The following RNLS variants were observed in gnomAD, a reference collection of about 807,000 sequenced individuals.
RNLS encodes renalase.
In RNLS, 39 loss-of-function variants were observed where a neutral mutation model predicts 39.8. The observed-to-expected ratio is 0.98, with a 90% CI of 0.76 to 1.28. The LOEUF is 1.28. Ranked by LOEUF, RNLS falls within the 50% of genes most tolerant of loss-of-function variation. The probability of loss-of-function intolerance (pLI) is 0.00; values close to 1 mark genes in which losing one functional copy is unlikely to be tolerated. For missense variants in RNLS, 410 were observed against 413.3 expected, an observed-to-expected ratio of 0.99 and a Z score of 0.07; for synonymous variants, 147 against 150.7, an observed-to-expected ratio of 0.98 and a Z score of 0.18.
At chr10:88,248,530 C>T in the RNLS span, among the ~76,000 whole-genome samples, 1 of 152,324 alleles carries the variant, frequency 6.6e-6, no homozygotes. Flanking sequence ...CCTGGACACT[C>T]ATTTCCAGTG....
intron 4 of RNLS, among the ~76,000 whole-genome samples, chr10:88,484,690 A>G (rs1203232610): frequency 6.6e-6 from 1 of 151,962 alleles, no homozygotes; most frequent in Admixed American, 6.6e-5. Flanking sequence ...TTTCATGAAT[A>G]ATTTATTTAT....
At chr10:88,354,704 C>G (rs1197385500) in intron 5 of RNLS, among the ~76,000 whole-genome samples, 3 of 152,122 alleles carry the variant, frequency 2.0e-5, no homozygotes, top group African/African-American at 7.2e-5. Flanking sequence ...TGGAGTTGCT[C>G]TTCTCGACAA....
At chr10:88,556,470 A>G (rs1041637524) in intron 4 of RNLS, among the ~76,000 whole-genome samples, 4 of 152,148 alleles carry the variant, frequency 2.6e-5, no homozygotes, top group Non-Finnish European at 5.9e-5. Flanking sequence ...GTAAATTCAT[A>G]ATCCCTAAAT....
the RNLS span, among the ~76,000 whole-genome samples, chr10:88,259,825 C>A: frequency 1.3e-5 from 2 of 152,138 alleles, no homozygotes; most frequent in African/African-American, 2.4e-5. Context: ...CTCACTGCAA[C>A]CTTTACCTCC....
chr10:88,211,326 A>C, the RNLS span, among the ~76,000 whole-genome samples: 1 of 152,170 alleles, frequency 6.6e-6, no homozygotes, highest in East Asian at 1.9e-4. Context: ...ATATCTAACA[A>C]GTGCCAGACA....
intron 5 of RNLS, among the ~76,000 whole-genome samples, chr10:88,357,766 C>G (rs1849301811): frequency 1.3e-5 from 2 of 152,184 alleles, no homozygotes; most frequent in Non-Finnish European, 2.9e-5. Context: ...AGGCCTACCC[C>G]TAAAAACTCC....
At chr10:88,363,657 G>A (rs12220632) in intron 4 of RNLS, among the ~76,000 whole-genome samples, 14,734 of 152,144 alleles carry the variant, frequency 0.097, 858 homozygotes, top group East Asian at 0.34. Context: ...GGCAAACACA[G>A]ACATGCAAAG....
intron 4 of RNLS, among the ~76,000 whole-genome samples, chr10:88,441,478 A>G (rs1192253836): frequency 6.6e-6 from 1 of 152,198 alleles, no homozygotes; most frequent in Non-Finnish European, 1.5e-5. Flanking sequence ...ATGAGTCTGA[A>G]AAGTCTCCTA....
intron 4 of RNLS, among the ~76,000 whole-genome samples, chr10:88,535,470 T>G (rs889322185): frequency 6.6e-6 from 1 of 151,904 alleles, no homozygotes; most frequent in Non-Finnish European, 1.5e-5. Context: ...TCAGGAAGAA[T>G]AGTTAATGGA....
At chr10:88,184,657 A>G in the RNLS span, among the ~76,000 whole-genome samples, 16 of 152,144 alleles carry the variant, frequency 1.1e-4, no homozygotes, top group Non-Finnish European at 2.2e-4. Flanking sequence ...TAAATAGGTC[A>G]CCTGAGCAAC....
chr10:88,354,731 C>A (rs1849016362), intron 5 of RNLS, among the ~76,000 whole-genome samples: 1 of 152,176 alleles, frequency 6.6e-6, no homozygotes, highest in African/African-American at 2.4e-5. Flanking sequence ...TTGTGGCGTT[C>A]TCTCTATTTC....
At chr10:88,329,048 T>C (rs1007129419) in intron 5 of RNLS, among the ~76,000 whole-genome samples, 8 of 152,084 alleles carry the variant, frequency 5.3e-5, no homozygotes, top group African/African-American at 1.7e-4. Flanking sequence ...TTAGCTTCTT[T>C]TGAGACTGTT....
rs181317326 is a variant in RNLS at position 88,331,397 on chromosome 10, G to A, written c.701-16756C>T. ...TAATGTTAGAGACCAAGACCAAAAA[G>A]AAATGGGTGAAATATTTCTTCAATT... On this transcript the variant is annotated intron_variant, in intron 5 of 6. Coordinates refer to ENST00000331772, the MANE Select transcript of RNLS (RefSeq NM_001031709.3). Among the ~76,000 whole-genome samples the A allele has an allele frequency of 7.9e-3, 1,209 of 152,294 alleles. 8 individuals carry two copies. Among genetic ancestry groups the A allele is most frequent in the Non-Finnish European group, 0.012 (824 of 68,022 alleles).
At chr10:88,450,573 T>C (rs930293161) in intron 4 of RNLS, among the ~76,000 whole-genome samples, 5 of 152,168 alleles carry the variant, frequency 3.3e-5, no homozygotes, top group African/African-American at 9.7e-5. Flanking sequence ...TACCAATACA[T>C]AGTGGTACAG....
At chr10:88,240,190 T>C in the RNLS span, among the ~76,000 whole-genome samples, 3 of 152,152 alleles carry the variant, frequency 2.0e-5, no homozygotes, top group Non-Finnish European at 4.4e-5. Flanking sequence ...GTAACCATGT[T>C]TTTTCTTACC....
intron 4 of RNLS, among the ~76,000 whole-genome samples, chr10:88,372,652 T>C (rs971801796): frequency 9.9e-5 from 15 of 152,180 alleles, no homozygotes; most frequent in African/African-American, 3.6e-4. Flanking sequence ...GCAACATTAT[T>C]GTAGGCCTAC....
At chr10:88,302,661 A>G (rs1385825320) in intron 6 of RNLS, among the ~76,000 whole-genome samples, 1 of 152,228 alleles carries the variant, frequency 6.6e-6, no homozygotes, top group Non-Finnish European at 1.5e-5. Context: ...CCAACTGATG[A>G]TATGTTGAAG....
intron 4 of RNLS, among the ~76,000 whole-genome samples, chr10:88,565,438 C>T (rs1849436496): frequency 6.6e-6 from 1 of 152,114 alleles, no homozygotes; most frequent in Non-Finnish European, 1.5e-5. Context: ...TTTGATTTGA[C>T]CCACAGATGT....
intron 4 of RNLS, among the ~76,000 whole-genome samples, chr10:88,488,038 G>A (rs986509873): frequency 2.6e-5 from 4 of 152,128 alleles, no homozygotes; most frequent in African/African-American, 9.7e-5. Context: ...TATATAGAGA[G>A]AAGGCAGATC....
Sources: allele counts gnomAD v4.1 joint callset (sites outside exome capture counted in the v4.1 genomes callset), GRCh38; gene constraint gnomAD v4.1.1; transcripts MANE v1.5; gene names NCBI Gene and HGNC (gene_info 2026-07-23, HGNC 2026-07-21).